Variants in SUN3 observed in about 807,000 individuals in gnomAD.
SUN3 encodes the protein Sad1 and UNC84 domain containing 3.
A neutral mutation model predicts 48.2 loss-of-function variants in SUN3; 36 were observed. That is an observed-to-expected ratio of 0.75 (90% CI 0.57 to 0.99). The LOEUF (loss-of-function observed/expected upper bound fraction) is 0.99, where lower values mean the gene tolerates loss of function less well. SUN3 is among the 50% of genes least tolerant of loss of function. SUN3 has a pLI of 0.00. For missense variants in SUN3, 419 were observed against 433.1 expected (o/e 0.97, Z 0.29); for synonymous variants, 148 against 147.9 (o/e 1.00, Z 0.00).
intron 2 of SUN3, among the ~76,000 whole-genome samples, chr7:48,024,780 C>A (rs1178350211): frequency 2.0e-5 from 3 of 152,016 alleles, no homozygotes; most frequent in Non-Finnish European, 4.4e-5. Context: ...AAGTCAGGTT[C>A]TTTTTAACAA....
intron 1 of SUN3, among the ~76,000 whole-genome samples, chr7:48,026,543 A>G (rs1237951302): frequency 6.6e-6 from 1 of 151,630 alleles, no homozygotes; most frequent in Non-Finnish European, 1.5e-5. Flanking sequence ...GAAATTGAGC[A>G]TACTCAGTTC....
chr7:48,025,575 T>C (rs1790112203), intron 2 of SUN3, among the ~76,000 whole-genome samples: 1 of 152,188 alleles, frequency 6.6e-6, no homozygotes, highest in African/African-American at 2.4e-5. Flanking sequence ...AAAATGTATG[T>C]TTGCAATAAA....
chr7:48,032,045 C>G (rs1404264375), upstream of SUN3, among the ~76,000 whole-genome samples: 2 of 152,032 alleles, frequency 1.3e-5, no homozygotes, highest in Non-Finnish European at 2.9e-5. Context: ...ATATGTGGAG[C>G]CTAAAAAGTC....
At chr7:48,005,474 C>T (rs1178026250) in intron 6 of SUN3, among the ~76,000 whole-genome samples, 2 of 152,158 alleles carry the variant, frequency 1.3e-5, no homozygotes, top group Non-Finnish European at 2.9e-5. Flanking sequence ...TCACTGAACA[C>T]ATATTGTCCA....
In SUN3 at chr7:47,996,036, GAAT is replaced by G; in HGVS notation, c.685_687del (p.Ile229del). ...GATTCTTAATTTAGCTTTACCTGAAGAATAATATCTGGAGGCATTTCATGATTT... is the reference window on the plus strand; with the variant it reads ...GATTCTTAATTTAGCTTTACCTGAAGAATATCTGGAGGCATTTCATGATTT... On this transcript the variant is annotated inframe_deletion, in exon 7 of 10. Coordinates refer to ENST00000297325, the MANE Select transcript of SUN3 (RefSeq NM_001030019.2). 6.6e-7 allele frequency: 1 copy of G among 1,508,244 alleles called. No individual in the cohort carries two copies. The highest frequency in any genetic ancestry group is 1.3e-5 in the South Asian group (1 of 77,298). 93.4% of individuals were successfully genotyped at this position (1,508,244 alleles called of 1,614,324 possible).
At chr7:47,993,845 G>T (rs1348602713) in intron 8 of SUN3, among the ~76,000 whole-genome samples, 1 of 151,922 alleles carries the variant, frequency 6.6e-6, no homozygotes, top group Admixed American at 6.6e-5. Context: ...AACCTGTTTT[G>T]TTTTTTAAAT....
chr7:48,027,181 T>C (rs1790158975), intron 1 of SUN3, among the ~76,000 whole-genome samples: 1 of 152,206 alleles, frequency 6.6e-6, no homozygotes, highest in Non-Finnish European at 1.5e-5. Context: ...TGTGGTTCAT[T>C]CATTCTTATA....
chr7:48,018,175 G>C (rs1789866091), intron 2 of SUN3, among the ~76,000 whole-genome samples: 1 of 152,120 alleles, frequency 6.6e-6, no homozygotes, highest in Non-Finnish European at 1.5e-5. Flanking sequence ...TAGGTGGCCT[G>C]GCTTAGTCTT....
chr7:48,019,363 A>G (rs1789903041), intron 2 of SUN3, among the ~76,000 whole-genome samples: 1 of 152,168 alleles, frequency 6.6e-6, no homozygotes, highest in Non-Finnish European at 1.5e-5. Context: ...CATCCTATAA[A>G]TGATGTAATG....
At chr7:48,031,647 A>C (rs1790257642), upstream of SUN3, among the ~76,000 whole-genome samples, 1 of 152,220 alleles carries the variant, frequency 6.6e-6, no homozygotes, top group Non-Finnish European at 1.5e-5. Context: ...GAAGTGCCTT[A>C]AAAAATTAAA....
upstream of SUN3, chr7:48,029,221 A>G: frequency 5.3e-6 from 2 of 379,762 alleles, 1 homozygote; most frequent in South Asian, 5.2e-5. Flanking sequence ...ATTGTACCAT[A>G]TGTCACACCC....
intron 7 of SUN3, among the ~76,000 whole-genome samples, chr7:47,994,769 G>A (rs915695715): frequency 8.0e-5 from 12 of 150,574 alleles, no homozygotes; most frequent in African/African-American, 2.0e-4. Flanking sequence ...AGTGATGGTG[G>A]TAGTGAGGAT....
At chr7:47,998,112 A>G (rs568024973) in intron 6 of SUN3, among the ~76,000 whole-genome samples, 3 of 152,214 alleles carry the variant, frequency 2.0e-5, no homozygotes, top group Non-Finnish European at 4.4e-5. Flanking sequence ...TGCTAGGTCA[A>G]TAAGGTGTTA....
At chr7:48,033,838 G>A (rs1208232975), upstream of SUN3, among the ~76,000 whole-genome samples, 2 of 152,102 alleles carry the variant, frequency 1.3e-5, no homozygotes, top group African/African-American at 2.4e-5. Context: ...GGTGGATCAC[G>A]AGGTCAGGAG....
At chr7:48,010,807 A>G (rs1789662181) in intron 3 of SUN3, among the ~76,000 whole-genome samples, 1 of 152,160 alleles carries the variant, frequency 6.6e-6, no homozygotes, top group African/African-American at 2.4e-5. Context: ...GGTTTGAAAC[A>G]ATGGAAATTT....
rs565372675 is a variant in SUN3 at position 48,005,602 on chromosome 7, A to T, written c.577+367T>A. 5.9e-5 allele frequency among the ~76,000 whole-genome samples: 9 copies of T among 152,220 alleles called. No individual in the cohort carries two copies. In the East Asian group the frequency reaches 1.7e-3, roughly 29 times the overall value. The stretch of plus-strand genomic sequence containing the variant: ...GGAACATTATATATAACCTTTAAAC[A>T]CTGTCATTTAATCCCTAATAATGCA... On this transcript the variant is annotated intron_variant, in intron 6 of 9. Coordinates refer to ENST00000297325, the MANE Select transcript of SUN3 (RefSeq NM_001030019.2).
In SUN3 at chr7:47,987,446, C is replaced by A; in HGVS notation, c.958G>T (p.Ala320Ser). Residue 320 changes from alanine (A) to serine (S), a missense_variant, in exon 10 of 10, where the codon GCA becomes TCA. Coordinates refer to ENST00000297325, the MANE Select transcript of SUN3 (RefSeq NM_001030019.2). The stretch of plus-strand genomic sequence containing the variant: ...ACACATAATAAATATTCAGAAACTG[C>A]ATGCTGAAAATAAAGAAAAGAAAAT... ...TTVQTFELQH[A>S]VSEYLLCVKL... is the part of the protein sequence containing the mutation. 1 of 1,554,826 alleles carries A rather than the reference C, an allele frequency of 6.4e-7. No individual in the cohort carries two copies. The highest frequency in any genetic ancestry group is 8.7e-7 in the Non-Finnish European group (1 of 1,152,748).
intron 8 of SUN3, among the ~76,000 whole-genome samples, chr7:47,993,062 G>C (rs545341848): frequency 1.1e-3 from 173 of 151,912 alleles, no homozygotes; most frequent in African/African-American, 4.1e-3. Context: ...CTGGGCAACA[G>C]AGCTGAGACC....
At chr7:47,996,921 C>A (rs1250121798) in intron 6 of SUN3, among the ~76,000 whole-genome samples, 2 of 151,712 alleles carry the variant, frequency 1.3e-5, no homozygotes, top group Admixed American at 1.3e-4. Context: ...CCTGCCTCAG[C>A]CTCCCAAGTA....
Sources: allele counts gnomAD v4.1 joint callset (sites outside exome capture counted in the v4.1 genomes callset), GRCh38; gene constraint gnomAD v4.1.1; transcripts MANE v1.5; gene names NCBI Gene and HGNC (gene_info 2026-07-23, HGNC 2026-07-21).